ZNF521: variants seen among roughly 807,000 people sequenced by gnomAD.
ZNF521 encodes the protein zinc finger protein 521, also known as LYST-interacting protein 3.
ZNF521 carries 14 observed loss-of-function variants against 105.5 expected under a neutral mutation model. The ratio of observed to expected loss-of-function variants is 0.13; its 90% CI spans 0.09 to 0.21. The LOEUF (loss-of-function observed/expected upper bound fraction) is 0.21, where lower values mean the gene tolerates loss of function less well. Ranked by LOEUF, ZNF521 falls within the 10% of genes least tolerant of loss-of-function variation. The pLI, the probability that ZNF521 is intolerant of heterozygous loss-of-function variation, is 1.00. For synonymous variants in ZNF521, 635 were observed against 606.0 expected (o/e 1.05, Z -0.70); for missense variants, 1,233 against 1,629.7 (o/e 0.76, Z 4.19).
At chr18:25,302,560 G>A (rs1302911194) in intron 3 of ZNF521, 10 of 152,198 alleles carry the variant, frequency 6.6e-5, no homozygotes, top group Non-Finnish European at 1.3e-4. Flanking sequence ...CATGTGCTAT[G>A]TCATGGTTGG....
Position 25,256,946 on chromosome 18 carries a change from T to A in ZNF521, c.221-29249A>T, listed in dbSNP as rs545020983. On this transcript the variant is annotated intron_variant, in intron 3 of 7. Transcript: ENST00000361524. ...GAAGACGGCCATGGCAAAAAATACTTCAATAAAGGCACCACAGATGTAGTT... is the reference window on the plus strand; with the variant it reads ...GAAGACGGCCATGGCAAAAAATACTACAATAAAGGCACCACAGATGTAGTT... Among the ~76,000 whole-genome samples the A allele has an allele frequency of 2.8e-3, 424 of 152,094 alleles. 2 individuals are homozygous for A. The highest frequency in any genetic ancestry group is 9.7e-3 in the African/African-American group (403 of 41,470).
intron 3 of ZNF521, among the ~76,000 whole-genome samples, chr18:25,319,838 C>A (rs1912842158): frequency 6.6e-6 from 1 of 152,162 alleles, no homozygotes; most frequent in South Asian, 2.1e-4. Context: ...TGCAATATCA[C>A]TTCTTTGGTG....
At chr18:25,156,885 T>C (rs1050717501) in intron 5 of ZNF521, among the ~76,000 whole-genome samples, 13 of 152,134 alleles carry the variant, frequency 8.5e-5, no homozygotes, top group African/African-American at 2.9e-4. Flanking sequence ...ACATGAGGCA[T>C]GAAGGAGCTC....
chr18:25,180,108 GC>G (rs1438568890), intron 5 of ZNF521, among the ~76,000 whole-genome samples: 1 of 152,112 alleles, frequency 6.6e-6, no homozygotes, highest in East Asian at 1.9e-4. Context: ...AGAAATGAAA[GC>G]CCTTTTTTGC....
At chr18:25,107,569 G>A (rs2034098249) in intron 5 of ZNF521, among the ~76,000 whole-genome samples, 3 of 152,298 alleles carry the variant, frequency 2.0e-5, no homozygotes, top group Admixed American at 1.3e-4. Context: ...AACACTCCAA[G>A]AGTCTTCAAG....
At chr18:25,112,159 T>C (rs1022610130) in intron 5 of ZNF521, among the ~76,000 whole-genome samples, 1 of 151,580 alleles carries the variant, frequency 6.6e-6, no homozygotes, top group Non-Finnish European at 1.5e-5. Flanking sequence ...TGGAGTTAAA[T>C]AAATAAATAA....
At chr18:25,109,832 G>A (rs1373261491) in intron 5 of ZNF521, among the ~76,000 whole-genome samples, 1 of 152,074 alleles carries the variant, frequency 6.6e-6, no homozygotes, top group Non-Finnish European at 1.5e-5. Flanking sequence ...TGAGATCATT[G>A]TGGAATCTGG....
intron 4 of ZNF521, among the ~76,000 whole-genome samples, chr18:25,217,497 A>T (rs1342231823): frequency 1.3e-5 from 2 of 152,212 alleles, no homozygotes; most frequent in Non-Finnish European, 2.9e-5. Flanking sequence ...AGTCTGGAAG[A>T]GGAAAACGTT....
intron 3 of ZNF521, among the ~76,000 whole-genome samples, chr18:25,292,297 T>C (rs1279681307): frequency 6.6e-6 from 1 of 152,214 alleles, no homozygotes; most frequent in African/African-American, 2.4e-5. Flanking sequence ...GAAAAAAATG[T>C]CTAATTTCAT....
In ZNF521 at chr18:25,221,203, G is replaced by T. The variant is rs114612859; in HGVS notation, c.3573+3142C>A. On this transcript the variant is annotated intron_variant, in intron 4 of 7. Transcript: ENST00000361524. ...AGAAAGCATTAGGCAGAAGAAATGGGATTCAAACTCAGATCTGCCTTCGAT... is the reference window on the plus strand; with the variant it reads ...AGAAAGCATTAGGCAGAAGAAATGGTATTCAAACTCAGATCTGCCTTCGAT... Among the ~76,000 whole-genome samples, 560 of 152,282 alleles carry T rather than the reference G, an allele frequency of 3.7e-3. 3 individuals are homozygous for T. Among genetic ancestry groups the T allele is most frequent in the African/African-American group, 0.013 (520 of 41,564 alleles).
Position 25,126,807 on chromosome 18 carries a change from C to A in ZNF521, c.3659-34726G>T, listed in dbSNP as rs566080237. Among the ~76,000 whole-genome samples, 11 of 152,054 alleles carry A rather than the reference C, an allele frequency of 7.2e-5. No individual in the cohort carries two copies. The South Asian group carries it at 1.0e-3, about 14-fold the overall frequency. On this transcript the variant is annotated intron_variant, in intron 5 of 7. Transcript: ENST00000361524. The stretch of plus-strand genomic sequence containing the variant: ...AACACAAAATTAAAAATTAAAAAAA[C>A]CAAAGAATTAAATTATTGTAATTAC...
chr18:25,311,694 T>C (rs1912318411), intron 3 of ZNF521, among the ~76,000 whole-genome samples: 1 of 152,202 alleles, frequency 6.6e-6, no homozygotes, highest in Admixed American at 6.5e-5. Context: ...ATCAAGGACA[T>C]GGGAGAAATT....
At chr18:25,205,687 C>T (rs926246691) in intron 4 of ZNF521, among the ~76,000 whole-genome samples, 5 of 151,972 alleles carry the variant, frequency 3.3e-5, no homozygotes, top group African/African-American at 1.2e-4. Context: ...ATAATCCCAC[C>T]ATAAACTAGG....
At chr18:25,217,838 T>C (rs1218636867) in intron 4 of ZNF521, among the ~76,000 whole-genome samples, 1 of 152,150 alleles carries the variant, frequency 6.6e-6, no homozygotes. Flanking sequence ...GCACAGGGCA[T>C]TGAGGGGATA....
At chr18:25,257,927 A>G (rs1908633676) in intron 3 of ZNF521, among the ~76,000 whole-genome samples, 1 of 152,210 alleles carries the variant, frequency 6.6e-6, no homozygotes, top group Non-Finnish European at 1.5e-5. Context: ...CCAGAAGAAC[A>G]CATTCACAGA....
At chr18:25,082,994 A>G (rs2033536116) in intron 7 of ZNF521, among the ~76,000 whole-genome samples, 1 of 152,168 alleles carries the variant, frequency 6.6e-6, no homozygotes, top group Admixed American at 6.5e-5. Flanking sequence ...TTGTTTGCAA[A>G]AGAGGATTTC....
In ZNF521 at chr18:25,116,946, CATATATATGTATATATGT is replaced by C. The variant is rs1235318726; in HGVS notation, c.3659-24883_3659-24866del. Reference sequence around the variant, plus strand: ...ATGTATATATATACGTATATATACACATATATATGTATATATGTATATATATGTATATATATATACACA... The same window carrying C: ...ATGTATATATATACGTATATATACACATATATATGTATATATATATACACA... On this transcript the variant is annotated intron_variant, in intron 5 of 7. Coordinates refer to ENST00000361524, the MANE Select transcript of ZNF521 (RefSeq NM_015461.3). 2.2e-4 allele frequency among the ~76,000 whole-genome samples: 31 copies of C among 138,942 alleles called. No individual in the cohort carries two copies. In the East Asian group the frequency reaches 5.3e-3, roughly 24 times the overall value. The allele number at this position is 138,942 out of a possible 152,430, so 91.2% of individuals were successfully genotyped here. A position where few individuals can be genotyped will look rare whatever the true frequency, so the allele number is the denominator to read the frequency against.
rs202138460 is a variant in ZNF521, at chr18:25,322,137, A to C, written c.91T>G (p.Cys31Gly). 1.9e-6 allele frequency: 3 copies of C among 1,614,032 alleles called. No homozygotes were observed. Among genetic ancestry groups the C allele is most frequent in the Non-Finnish European group, 2.5e-6 (3 of 1,180,010 alleles). ...DKTEDGEALDCKKRPEDGEEL... is the reference protein window; with the variant it reads ...DKTEDGEALDGKKRPEDGEEL... ...TCCCCGTCTTCCGGCCTCTTCTTAC[A>C]ATCTAGTGCCTCTCCATCTTCAGTC... Residue 31 changes from cysteine (C) to glycine (G), a missense_variant, in exon 3 of 8, where the codon TGT becomes GGT. This residue lies in a region of ZNF521 where 76 missense variants were observed against 79.3 expected (regional missense o/e 0.96). Transcript: ENST00000361524.
chr18:25,152,736 A>T (rs2035072657), intron 5 of ZNF521, among the ~76,000 whole-genome samples: 1 of 152,202 alleles, frequency 6.6e-6, no homozygotes, highest in Non-Finnish European at 1.5e-5. Context: ...GAAGTTTTGC[A>T]GATAGGTCTG....
Sources: gnomAD v4.1 joint callset for allele counts (sites outside exome capture counted in the v4.1 genomes callset) on GRCh38, gnomAD v4.1.1 for gene constraint, gnomAD v4.1.1 regional missense constraint, MANE v1.5 for transcripts, NCBI Gene and HGNC (gene_info 2026-07-23, HGNC 2026-07-21) for gene names.